Variants in METTL15 observed in about 807,000 individuals in gnomAD.
METTL15 encodes the protein 12S rRNA N(4)-cytidine methyltransferase METTL15.
Under a neutral mutation model 38.3 loss-of-function variants are expected in METTL15, and 34 were observed. The ratio of observed to expected loss-of-function variants is 0.89; its 90% CI spans 0.68 to 1.18. The LOEUF (loss-of-function observed/expected upper bound fraction) is 1.18. METTL15 is among the 50% of genes most tolerant of loss of function. The pLI is 0.00. For missense variants in METTL15, 438 were observed against 498.4 expected, an observed-to-expected ratio of 0.88 and a Z score of 1.15; for synonymous variants, 162 against 170.9, an observed-to-expected ratio of 0.95 and a Z score of 0.41.
chr11:28,366,205 A>T (rs11030298), intron 5 of METTL15, among the ~76,000 whole-genome samples: 62,893 of 151,790 alleles, frequency 0.41, 14,323 homozygotes, highest in Non-Finnish European at 0.51. Context: ...AAAAAAAAAA[A>T]TTATTAAGAA....
chr11:28,501,719 T>G (rs1851584180), intron 6 of METTL15, among the ~76,000 whole-genome samples: 1 of 152,112 alleles, frequency 6.6e-6, no homozygotes. Context: ...CAGTCTCATG[T>G]CAGTGGTCAT....
intron 3 of METTL15, among the ~76,000 whole-genome samples, chr11:28,194,122 A>ATCTTTCTTTCATTCTTTCTT: frequency 1.0e-5 from 1 of 99,168 alleles, no homozygotes; most frequent in East Asian, 3.3e-4. Flanking sequence ...TTGATGGTTG[A>ATCTTTCTTTCATTCTTTCTT]TCTTTCTTTC....
intron 3 of METTL15, among the ~76,000 whole-genome samples, chr11:28,135,291 T>A (rs952165413): frequency 1.3e-5 from 2 of 152,192 alleles, no homozygotes; most frequent in Non-Finnish European, 2.9e-5. Context: ...ATTTTTCACA[T>A]AGGCTTCTAA....
chr11:28,110,543 A>C (rs1851676776), intron 2 of METTL15, 142 bp downstream of exon 2: 1 of 152,264 alleles, frequency 6.6e-6, no homozygotes, highest in Non-Finnish European at 1.5e-5. Context: ...ACACGCCTTC[A>C]ACCTGGGTTT....
At chr11:28,350,456 A>G (rs1312196009) in intron 3 of METTL15, among the ~76,000 whole-genome samples, 1 of 152,356 alleles carries the variant, frequency 6.6e-6, no homozygotes, top group East Asian at 1.9e-4. Context: ...CATACTCTAC[A>G]ATTTAAGCAT....
chr11:28,513,794 C>G (rs1348507877), intron 6 of METTL15, among the ~76,000 whole-genome samples: 1 of 152,232 alleles, frequency 6.6e-6, no homozygotes, highest in Admixed American at 6.5e-5. Flanking sequence ...AGGCACAGAT[C>G]GCTCATGCTA....
intron 3 of METTL15, among the ~76,000 whole-genome samples, chr11:28,203,397 G>A: frequency 6.6e-6 from 1 of 152,020 alleles, no homozygotes; most frequent in East Asian, 1.9e-4. Flanking sequence ...AATTAGGTTG[G>A]TAGAACACTG....
At chr11:28,355,737 G>A (rs1219649606) in intron 4 of METTL15, among the ~76,000 whole-genome samples, 1 of 152,090 alleles carries the variant, frequency 6.6e-6, no homozygotes, top group South Asian at 2.1e-4. Flanking sequence ...TAGCATTGTT[G>A]GATTTTGGTA....
At chr11:28,206,504 AC>A (rs1403906163) in intron 3 of METTL15, among the ~76,000 whole-genome samples, 3 of 151,916 alleles carry the variant, frequency 2.0e-5, no homozygotes, top group African/African-American at 7.3e-5. Context: ...TGTTTTGGTT[AC>A]TGTAGCCTTG....
intron 5 of METTL15, among the ~76,000 whole-genome samples, chr11:28,371,516 T>A (rs1850242899): frequency 6.6e-6 from 1 of 152,070 alleles, no homozygotes; most frequent in Non-Finnish European, 1.5e-5. Context: ...TTGTGCTCTG[T>A]TGTGGTTCCG....
intron 6 of METTL15, among the ~76,000 whole-genome samples, chr11:28,491,113 C>T (rs184941746): frequency 3.9e-5 from 6 of 152,164 alleles, no homozygotes; most frequent in South Asian, 2.1e-4. Context: ...TGGATATACC[C>T]ATAGGCAAGA....
intron 3 of METTL15, among the ~76,000 whole-genome samples, chr11:28,134,322 C>T (rs1489312899): frequency 6.6e-6 from 1 of 152,126 alleles, no homozygotes; most frequent in Non-Finnish European, 1.5e-5. Context: ...TACATATATA[C>T]CAATGGTCTG....
intron 5 of METTL15, among the ~76,000 whole-genome samples, chr11:28,408,426 G>A (rs1850695560): frequency 6.6e-6 from 1 of 152,116 alleles, no homozygotes. Flanking sequence ...ATACTGGCTT[G>A]ATGTCCTGTC....
intron 5 of METTL15, among the ~76,000 whole-genome samples, chr11:28,402,254 T>A (rs374609098): frequency 5.9e-5 from 9 of 152,066 alleles, no homozygotes; most frequent in Admixed American, 2.0e-4. Flanking sequence ...GCCTCCTAAA[T>A]ACTCTCCAGT....
At chr11:28,215,386 GTTCTGGT>G (rs1852819537) in intron 4 of METTL15, among the ~76,000 whole-genome samples, 1 of 151,966 alleles carries the variant, frequency 6.6e-6, no homozygotes, top group Non-Finnish European at 1.5e-5. Flanking sequence ...GAGGAAAGGG[GTTCTGGT>G]TTCTATGACC....
intron 6 of METTL15, among the ~76,000 whole-genome samples, chr11:28,431,755 GAAAC>G (rs1850930052): frequency 2.1e-5 from 1 of 48,342 alleles, no homozygotes; most frequent in Non-Finnish European, 3.7e-5. Flanking sequence ...CCCTCTGTGA[GAAAC>G]ACCCAAGAAT....
At chr11:28,149,446 C>T (rs1850002316) in intron 3 of METTL15, among the ~76,000 whole-genome samples, 1 of 151,778 alleles carries the variant, frequency 6.6e-6, no homozygotes, top group Admixed American at 6.6e-5. Flanking sequence ...TGTACCACAC[C>T]AGGGCCATTC....
chr11:28,487,136 A>G (rs1361583657), intron 6 of METTL15, among the ~76,000 whole-genome samples: 1 of 152,142 alleles, frequency 6.6e-6, no homozygotes. Flanking sequence ...CTGGGGGGCA[A>G]TTTGGCATCA....
intron 3 of METTL15, among the ~76,000 whole-genome samples, chr11:28,137,011 CA>C (rs1565117190): frequency 6.8e-6 from 1 of 147,938 alleles, no homozygotes; most frequent in African/African-American, 2.5e-5. Flanking sequence ...CTATTAATGT[CA>C]ACCCCAATTT....
Sources: gnomAD v4.1 joint callset for allele counts (sites outside exome capture counted in the v4.1 genomes callset) on GRCh38, gnomAD v4.1.1 for gene constraint, MANE v1.5 for transcripts, NCBI Gene and HGNC (gene_info 2026-07-23, HGNC 2026-07-21) for gene names.